The following KCNB2 variants were observed in gnomAD, a reference collection of about 807,000 sequenced individuals.
The protein encoded by KCNB2 is delayed rectifier potassium channel protein.
In KCNB2, 15 loss-of-function variants were observed where a neutral mutation model predicts 61.5. The ratio of observed to expected loss-of-function variants is 0.24; its 90% CI spans 0.16 to 0.38. KCNB2 has a LOEUF of 0.38. Ranked by LOEUF, KCNB2 falls within the 10% of genes least tolerant of loss-of-function variation. The probability of loss-of-function intolerance (pLI) is 1.00; values close to 1 mark genes in which losing one functional copy is unlikely to be tolerated. For missense variants in KCNB2, 828 were observed against 1,125.2 expected (o/e 0.74, Z 3.78); for synonymous variants, 457 against 446.0 (o/e 1.02, Z -0.31).
chr8:72,561,713 ATATATATATATATATCTATATC>A (rs1471390560), intron 1 of KCNB2, among the ~76,000 whole-genome samples: 1,026 of 23,856 alleles, frequency 0.043, 77 homozygotes, highest in African/African-American at 0.26. Context: ...ATATATATAT[ATATATATATATATATCTATATC>A]TATATATATA....
intron 2 of KCNB2, among the ~76,000 whole-genome samples, chr8:72,634,593 G>A (rs940519081): frequency 6.6e-6 from 1 of 152,118 alleles, no homozygotes; most frequent in African/African-American, 2.4e-5. Context: ...CAAAGTCAAA[G>A]AGCTCAGCTT....
At chr8:72,862,401 T>C (rs896572790) in intron 2 of KCNB2, among the ~76,000 whole-genome samples, 1 of 152,214 alleles carries the variant, frequency 6.6e-6, no homozygotes, top group Non-Finnish European at 1.5e-5. Flanking sequence ...TAGTTAAAAG[T>C]GGCCACTAAC....
intron 2 of KCNB2, among the ~76,000 whole-genome samples, chr8:72,725,405 A>G (rs1327018730): frequency 1.3e-5 from 2 of 151,338 alleles, no homozygotes; most frequent in Non-Finnish European, 1.5e-5. Context: ...CAAATTTTCA[A>G]AACTGAACTA....
chr8:72,738,173 T>G (rs993634172), intron 2 of KCNB2, among the ~76,000 whole-genome samples: 4 of 152,184 alleles, frequency 2.6e-5, no homozygotes, highest in African/African-American at 4.8e-5. Flanking sequence ...TATTTTCTCC[T>G]GGAAGATGAT....
intron 1 of KCNB2, among the ~76,000 whole-genome samples, chr8:72,561,761 GGATATATATA>G (rs1806531815): frequency 4.1e-5 from 1 of 24,404 alleles, no homozygotes; most frequent in African/African-American, 1.6e-4. Flanking sequence ...ATATATATAT[GGATATATATA>G]TATATGGATA....
chr8:72,615,545 C>G (rs1182199432), intron 2 of KCNB2, among the ~76,000 whole-genome samples: 3 of 152,142 alleles, frequency 2.0e-5, no homozygotes, highest in Non-Finnish European at 2.9e-5. Context: ...AACAAACATA[C>G]AGGTGATTGG....
intron 2 of KCNB2, among the ~76,000 whole-genome samples, chr8:72,860,483 T>C (rs911704701): frequency 6.6e-6 from 1 of 152,240 alleles, no homozygotes; most frequent in African/African-American, 2.4e-5. Flanking sequence ...AAAGCCTGTT[T>C]AAAAGAAAGT....
chr8:72,619,337 T>C, intron 2 of KCNB2: 1 of 595,338 alleles, frequency 1.7e-6, no homozygotes, highest in Non-Finnish European at 3.3e-6. Flanking sequence ...TGAGAAGGTC[T>C]TGAAGAGGCT....
chr8:72,758,685 C>T (rs1018201082), intron 2 of KCNB2, among the ~76,000 whole-genome samples: 2 of 152,134 alleles, frequency 1.3e-5, no homozygotes, highest in Non-Finnish European at 2.9e-5. Context: ...CATTGTTGAA[C>T]GGTTATCAGG....
At chr8:72,696,894 T>A (rs1276796603) in intron 2 of KCNB2, among the ~76,000 whole-genome samples, 5 of 152,186 alleles carry the variant, frequency 3.3e-5, no homozygotes, top group Admixed American at 2.6e-4. Flanking sequence ...AATGGCTCTG[T>A]GTAATTAATT....
chr8:72,700,502 A>G (rs1807101754), intron 2 of KCNB2, among the ~76,000 whole-genome samples: 1 of 152,168 alleles, frequency 6.6e-6, no homozygotes, highest in African/African-American at 2.4e-5. Context: ...CAAAACCACA[A>G]TGAGATACCA....
chr8:72,538,086 T>C (rs1806141339), intron 1 of KCNB2, among the ~76,000 whole-genome samples: 1 of 151,976 alleles, frequency 6.6e-6, no homozygotes, highest in Non-Finnish European at 1.5e-5. Flanking sequence ...CGCTCAAGTA[T>C]TAGCCCCTGA....
At chr8:72,839,539 G>A (rs1012380523) in intron 2 of KCNB2, among the ~76,000 whole-genome samples, 2 of 150,826 alleles carry the variant, frequency 1.3e-5, no homozygotes, top group African/African-American at 4.9e-5. Flanking sequence ...TTTCACTCCA[G>A]CGGGGGAAGG....
chr8:72,552,998 G>A (rs992082509), intron 1 of KCNB2, among the ~76,000 whole-genome samples: 5 of 150,982 alleles, frequency 3.3e-5, no homozygotes, highest in Admixed American at 6.6e-5. Flanking sequence ...TCTTTTGCAC[G>A]TTCATTTCTT....
intron 1 of KCNB2, among the ~76,000 whole-genome samples, chr8:72,560,700 G>A (rs1806497996): frequency 1.3e-5 from 2 of 152,114 alleles, no homozygotes; most frequent in African/African-American, 2.4e-5. Flanking sequence ...GCCCTTTTCT[G>A]TGTGCATTTT....
intron 2 of KCNB2, among the ~76,000 whole-genome samples, chr8:72,629,557 A>G (rs1585794862): frequency 6.6e-6 from 1 of 152,178 alleles, no homozygotes. Flanking sequence ...CGTGGCTGGG[A>G]AAATGTGATG....
intron 1 of KCNB2, among the ~76,000 whole-genome samples, chr8:72,559,294 G>A (rs926837144): frequency 3.3e-5 from 5 of 151,770 alleles, no homozygotes; most frequent in African/African-American, 4.8e-5. Context: ...ACAGGTGCGC[G>A]CTACTACACC....
intron 2 of KCNB2, among the ~76,000 whole-genome samples, chr8:72,866,159 T>C (rs1391548327): frequency 6.6e-6 from 1 of 152,214 alleles, no homozygotes; most frequent in South Asian, 2.1e-4. Flanking sequence ...GCATTCTGAC[T>C]TTGGAGAAAA....
chr8:72,895,475 A>G (rs987249727), intron 2 of KCNB2, among the ~76,000 whole-genome samples: 1 of 152,202 alleles, frequency 6.6e-6, no homozygotes. Context: ...AAAGGAACAC[A>G]GCCTTGTCAG....
Sources: gnomAD v4.1 joint callset for allele counts (sites outside exome capture counted in the v4.1 genomes callset) on GRCh38, gnomAD v4.1.1 for gene constraint, MANE v1.5 for transcripts, NCBI Gene and HGNC (gene_info 2026-07-23, HGNC 2026-07-21) for gene names.